The following CFAP52 variants were observed in gnomAD, a reference collection of about 807,000 sequenced individuals.
The protein encoded by CFAP52 is cilia- and flagella-associated protein 52.
A neutral mutation model predicts 70.5 loss-of-function variants in CFAP52; 57 were observed. That is an observed-to-expected ratio of 0.81 (90% CI 0.65 to 1.01). The LOEUF (loss-of-function observed/expected upper bound fraction) is 1.01. Among genes scored for constraint, CFAP52 ranks in the 50% least tolerant of loss-of-function variants. CFAP52 has a pLI of 0.00. For missense variants in CFAP52, 785 were observed against 788.5 expected (o/e 1.00, Z 0.05); for synonymous variants, 267 against 292.5 (o/e 0.91, Z 0.89).
downstream of CFAP52, among the ~76,000 whole-genome samples, chr17:9,644,177 C>T (rs1190068389): frequency 1.3e-5 from 2 of 152,182 alleles, no homozygotes; most frequent in Non-Finnish European, 2.9e-5. Context: ...GGCTGGAGTG[C>T]AATGGCGCGA....
intron 9 of CFAP52, among the ~76,000 whole-genome samples, chr17:9,629,352 C>G (rs183090750): frequency 7.8e-4 from 119 of 152,216 alleles, no homozygotes; most frequent in Admixed American, 7.6e-3. Context: ...ATCTGTAAGT[C>G]TCCCCAGTGC....
At chr17:9,642,208 G>A (rs966250246) in intron 13 of CFAP52, among the ~76,000 whole-genome samples, 16 of 152,088 alleles carry the variant, frequency 1.1e-4, no homozygotes, top group African/African-American at 1.4e-4. Flanking sequence ...TGCATGATGC[G>A]ATGCCCTTCC....
chr17:9,627,292 C>T (rs1910274853), intron 8 of CFAP52, among the ~76,000 whole-genome samples: 1 of 151,980 alleles, frequency 6.6e-6, no homozygotes, highest in Non-Finnish European at 1.5e-5. Context: ...GGTGGATCAC[C>T]TGAGGTCAGG....
At chr17:9,604,878 A>C (rs1319054201) in intron 6 of CFAP52, among the ~76,000 whole-genome samples, 1 of 152,210 alleles carries the variant, frequency 6.6e-6, no homozygotes, top group African/African-American at 2.4e-5. Context: ...AAATGTAATT[A>C]AAACAGCAAT....
At chr17:9,597,859 GAGAA>G (rs143647886) in intron 4 of CFAP52, among the ~76,000 whole-genome samples, 6,322 of 151,116 alleles carry the variant, frequency 0.042, 162 homozygotes, top group Middle Eastern at 0.079. Context: ...GAAAGAGAGA[GAGAA>G]AGAAAGAAAG....
intron 11 of CFAP52, among the ~76,000 whole-genome samples, chr17:9,636,182 A>AGAAAGAAG (rs1567637084): frequency 3.9e-5 from 2 of 51,080 alleles, no homozygotes; most frequent in Non-Finnish European, 7.0e-5. Context: ...CTCAAAAAAA[A>AGAAAGAAG]GAAAGAAAGA....
chr17:9,641,936 C>A lies in CFAP52; in HGVS notation c.1687+101C>A, dbSNP rs1377306417. On this transcript the variant is annotated intron_variant, in intron 13 of 13. Coordinates refer to ENST00000352665, the MANE Select transcript of CFAP52 (RefSeq NM_145054.5). Reference sequence around the variant, plus strand: ...CAATTGGAAAAGACAACAAAAGGGTCTCAAGGCAACTTGGTTAGAATCAGA... The same window carrying A: ...CAATTGGAAAAGACAACAAAAGGGTATCAAGGCAACTTGGTTAGAATCAGA... 4.3e-6 allele frequency: 4 copies of A among 937,034 alleles called. No homozygotes were observed. The African/African-American group carries it at 4.9e-5, about 12-fold the overall frequency. The allele number at this position is 937,034 out of a possible 1,614,324, so 58.0% of individuals were successfully genotyped here. A position where few individuals can be genotyped will look rare whatever the true frequency, so the allele number is the denominator to read the frequency against.
chr17:9,585,468 A>G (rs1908416371), intron 1 of CFAP52, among the ~76,000 whole-genome samples: 1 of 152,140 alleles, frequency 6.6e-6, no homozygotes, highest in Non-Finnish European at 1.5e-5. Context: ...GCAGTTCAAG[A>G]CCAGCCTGAC....
At position 9,635,395 on chromosome 17, in the gene CFAP52, T is replaced by C. The variant is rs760245054; in HGVS notation, c.1321-10T>C. 8.1e-6 allele frequency: 13 copies of C among 1,613,770 alleles called. No individual in the cohort carries two copies. The highest frequency in any genetic ancestry group is 1.1e-5 in the Non-Finnish European group (13 of 1,180,000). The stretch of plus-strand genomic sequence containing the variant: ...GTGTGGATCAAGATCCTGTGCTCTG[T>C]GGCTTTCAGGTGAGGGTATGGCAGA... On this transcript the variant is annotated splice_polypyrimidine_tract_variant and intron_variant, in intron 10 of 13. Transcript: ENST00000352665.
intron 11 of CFAP52, among the ~76,000 whole-genome samples, chr17:9,636,202 A>AGAAAGAAG (rs1910783775): frequency 7.9e-6 from 1 of 126,898 alleles, no homozygotes; most frequent in African/African-American, 3.1e-5. Context: ...AAAGAAAGAA[A>AGAAAGAAG]GAAAGAAAGA....
chr17:9,594,397 A>C lies in CFAP52; in HGVS notation c.536+76A>C, dbSNP rs916134225. The C allele has an allele frequency of 1.9e-6, 3 of 1,539,476 alleles. No homozygotes were observed. The Admixed American group carries it at 5.6e-5, about 29-fold the overall frequency. The stretch of plus-strand genomic sequence containing the variant: ...TTGCACAGAAAACATGGTCATTCTG[A>C]TCTGGGGGAACACGTCTTTAGTCCT... On this transcript the variant is annotated intron_variant, in intron 4 of 13. Transcript: ENST00000352665.
intron 9 of CFAP52, among the ~76,000 whole-genome samples, chr17:9,632,138 C>T (rs909723632): frequency 5.3e-5 from 8 of 151,114 alleles, no homozygotes; most frequent in South Asian, 2.1e-4. Context: ...AGTGCAGTGG[C>T]GGACTCTTGG....
At chr17:9,593,119 A>T (rs550880949) in intron 3 of CFAP52, among the ~76,000 whole-genome samples, 29 of 152,292 alleles carry the variant, frequency 1.9e-4, no homozygotes, top group African/African-American at 6.7e-4. Context: ...AAATATAGTT[A>T]GGTATGTTTT....
At chr17:9,577,818 G>T (rs1320761263) in intron 1 of CFAP52, among the ~76,000 whole-genome samples, 1 of 152,228 alleles carries the variant, frequency 6.6e-6, no homozygotes, top group East Asian at 1.9e-4. Flanking sequence ...GAGGCCGGGG[G>T]CAGTGGCTCA....
chr17:9,640,019 T>C (rs79811592), intron 12 of CFAP52, among the ~76,000 whole-genome samples: 10,451 of 152,164 alleles, frequency 0.069, 377 homozygotes, highest in South Asian at 0.12. Flanking sequence ...CAGAACTTTT[T>C]TGTTAACATG....
chr17:9,604,663 G>C (rs1471125448), intron 6 of CFAP52, among the ~76,000 whole-genome samples: 1 of 151,958 alleles, frequency 6.6e-6, no homozygotes, highest in East Asian at 1.9e-4. Context: ...AGCTACTAGG[G>C]AGGCTGAGGC....
intron 11 of CFAP52, among the ~76,000 whole-genome samples, chr17:9,637,028 G>A (rs1910839464): frequency 6.6e-6 from 1 of 152,094 alleles, no homozygotes; most frequent in Non-Finnish European, 1.5e-5. Flanking sequence ...CTGGGCCACA[G>A]AGTGAGACTT....
intron 7 of CFAP52, among the ~76,000 whole-genome samples, chr17:9,609,368 G>A (rs183970038): frequency 1.8e-4 from 28 of 152,280 alleles, no homozygotes; most frequent in African/African-American, 6.5e-4. Context: ...GAAAAATGAA[G>A]TAGGATGCAG....
At chr17:9,601,676 C>A (rs1250429031) in intron 6 of CFAP52, among the ~76,000 whole-genome samples, 1 of 152,122 alleles carries the variant, frequency 6.6e-6, no homozygotes, top group Non-Finnish European at 1.5e-5. Flanking sequence ...CCTAGCAATT[C>A]TAGTTAAAAG....
Sources: gnomAD v4.1 joint callset for allele counts (sites outside exome capture counted in the v4.1 genomes callset) on GRCh38, gnomAD v4.1.1 for gene constraint, MANE v1.5 for transcripts, NCBI Gene and HGNC (gene_info 2026-07-23, HGNC 2026-07-21) for gene names.